The following CMC1 variants were observed in gnomAD, a reference collection of about 807,000 sequenced individuals.
CMC1 encodes COX assembly mitochondrial protein homolog.
CMC1 carries 14 observed loss-of-function variants against 14.1 expected under a neutral mutation model. The observed-to-expected ratio is 0.99, with a 90% CI of 0.66 to 1.55. The LOEUF (loss-of-function observed/expected upper bound fraction) is 1.55, where lower values mean the gene tolerates loss of function less well. CMC1 is among the 40% of genes most tolerant of loss of function. The pLI, the probability that CMC1 is intolerant of heterozygous loss-of-function variation, is 0.00. For synonymous variants in CMC1, 50 were observed against 38.4 expected (o/e 1.30, Z -1.12); for missense variants, 127 against 123.8 (o/e 1.03, Z -0.12).
chr3:28,242,287 G>A (rs764266903), intron 1 of CMC1, among the ~76,000 whole-genome samples: 28 of 152,308 alleles, frequency 1.8e-4, no homozygotes, highest in South Asian at 4.2e-4. Context: ...TCTTTGGAAA[G>A]GATCTTCAAA....
chr3:28,317,174 T>C (rs1216483892), intron 3 of CMC1: 1 of 151,992 alleles, frequency 6.6e-6, no homozygotes, highest in African/African-American at 2.4e-5. Context: ...TAAATAAAAA[T>C]GTAATGAACA....
intron 2 of CMC1, among the ~76,000 whole-genome samples, chr3:28,277,405 C>T (rs926217999): frequency 2.6e-5 from 4 of 152,078 alleles, no homozygotes; most frequent in Non-Finnish European, 4.4e-5. Context: ...GTGGAATGTA[C>T]TCATTTAAAA....
At chr3:28,290,836 T>G (rs1237848930) in intron 2 of CMC1, among the ~76,000 whole-genome samples, 1 of 152,042 alleles carries the variant, frequency 6.6e-6, no homozygotes, top group African/African-American at 2.4e-5. Context: ...AAAGAGCACA[T>G]ATTTATTAAT....
intron 2 of CMC1, among the ~76,000 whole-genome samples, chr3:28,271,066 G>C (rs9831185): frequency 6.6e-6 from 1 of 151,670 alleles, no homozygotes; most frequent in African/African-American, 2.4e-5. Context: ...GAGTAGCTGG[G>C]ATTACAGGCA....
intron 2 of CMC1, among the ~76,000 whole-genome samples, chr3:28,279,877 T>A (rs1027122580): frequency 1.3e-5 from 2 of 152,090 alleles, no homozygotes; most frequent in Admixed American, 6.5e-5. Flanking sequence ...CTAACAACAT[T>A]CACAAAACAC....
At chr3:28,257,296 C>T (rs1699465054) in intron 1 of CMC1, among the ~76,000 whole-genome samples, 1 of 152,086 alleles carries the variant, frequency 6.6e-6, no homozygotes, top group Non-Finnish European at 1.5e-5. Context: ...ATTTTTATCA[C>T]CATAGATTAA....
chr3:28,323,713 C>T lies in CMC1; in HGVS notation c.*4084C>T, dbSNP rs555966165. ...AGACATTTCACATTTTGTAAAACCA[C>T]GTCTACAATCTCCAATTCCATTCTT... On this transcript the variant is annotated 3_prime_UTR_variant, in exon 4 of 4. Coordinates refer to ENST00000466830, the MANE Select transcript of CMC1 (RefSeq NM_182523.2). 3 of 187,856 alleles carry T rather than the reference C, an allele frequency of 1.6e-5. No individual in the cohort carries two copies. Among genetic ancestry groups the T allele is most frequent in the East Asian group, 2.6e-4 (2 of 7,636 alleles). The allele number at this position is 187,856 out of a possible 1,614,324, so 11.6% of individuals were successfully genotyped here.
At chr3:28,260,916 G>A (rs1348008405) in intron 1 of CMC1, among the ~76,000 whole-genome samples, 1 of 152,062 alleles carries the variant, frequency 6.6e-6, no homozygotes, top group African/African-American at 2.4e-5. Flanking sequence ...TCTGTTATTG[G>A]TTGCTAATTT....
intron 2 of CMC1, among the ~76,000 whole-genome samples, chr3:28,293,171 T>A (rs1415147449): frequency 1.3e-5 from 2 of 152,184 alleles, no homozygotes; most frequent in Non-Finnish European, 2.9e-5. Flanking sequence ...TAGTTCTGTT[T>A]TCTTCCCCGT....
intron 1 of CMC1, among the ~76,000 whole-genome samples, chr3:28,242,739 C>T (rs1289618003): frequency 6.6e-6 from 1 of 152,082 alleles, no homozygotes; most frequent in African/African-American, 2.4e-5. Context: ...GTGACTAGTC[C>T]AGCAGGTAGT....
chr3:28,257,374 G>C (rs1343110642), intron 1 of CMC1, among the ~76,000 whole-genome samples: 1 of 152,112 alleles, frequency 6.6e-6, no homozygotes, highest in Non-Finnish European at 1.5e-5. Context: ...AAATGTTTTT[G>C]AGATTCACCT....
intron 2 of CMC1, among the ~76,000 whole-genome samples, chr3:28,305,640 G>A (rs887757164): frequency 1.3e-5 from 2 of 152,054 alleles, no homozygotes; most frequent in East Asian, 1.9e-4. Context: ...TTACCCTGTT[G>A]ATGGTTTCTT....
At position 28,300,266 on chromosome 3, in the gene CMC1, A is replaced by G. The variant is rs1439629404; in HGVS notation, c.110-16067A>G. ...ACTGGAATACTGTTTTTTGCTTGGT[A>G]TTGCTATAATGGGAATATTCGAATC... is the stretch of plus-strand genomic sequence containing the variant. On this transcript the variant is annotated intron_variant, in intron 2 of 3. Transcript: ENST00000466830. Among the ~76,000 whole-genome samples the G allele has an allele frequency of 2.0e-5, 3 of 152,084 alleles. No homozygotes were observed. In the East Asian group the frequency reaches 5.8e-4, roughly 29 times the overall value.
In CMC1 at chr3:28,241,743, C is replaced by G; in HGVS notation, c.-51C>G. ...CAAGCCCCTCCCCTCCACTCCCCTT[C>G]CTGCGTGCCCCGGAGCCGCCAAGCG... On this transcript the variant is annotated 5_prime_UTR_variant, in exon 1 of 4. Coordinates refer to ENST00000466830, the MANE Select transcript of CMC1 (RefSeq NM_182523.2). 4 of 1,241,826 alleles carry G rather than the reference C, an allele frequency of 3.2e-6. No individual in the cohort carries two copies. The highest frequency in any genetic ancestry group is 4.0e-6 in the Non-Finnish European group (4 of 988,076). 76.9% of individuals were successfully genotyped at this position (1,241,826 alleles called of 1,614,324 possible).
At chr3:28,319,455 A>G in intron 3 of CMC1, 54 bp from the exon 4 acceptor site, 1 of 1,461,564 alleles carries the variant, frequency 6.8e-7, no homozygotes, top group South Asian at 1.2e-5. Flanking sequence ...GTAAGCTTAC[A>G]TTTAACACAT....
chr3:28,265,542 A>C (rs770463698), intron 2 of CMC1, among the ~76,000 whole-genome samples: 20 of 152,158 alleles, frequency 1.3e-4, no homozygotes, highest in Non-Finnish European at 2.4e-4. Context: ...TAAAAGATAC[A>C]GGAATTTTAA....
chr3:28,284,297 C>T (rs143874107), intron 2 of CMC1, among the ~76,000 whole-genome samples: 76 of 152,138 alleles, frequency 5.0e-4, no homozygotes, highest in African/African-American at 1.7e-3. Flanking sequence ...TCATATCTTC[C>T]CTGGTGAAGT....
intron 1 of CMC1, among the ~76,000 whole-genome samples, chr3:28,253,314 A>C (rs572702343): frequency 3.3e-5 from 5 of 151,930 alleles, no homozygotes; most frequent in African/African-American, 1.2e-4. Flanking sequence ...GTGGCAGCTC[A>C]CTCCTGTAAT....
chr3:28,293,487 G>A (rs553722488), intron 2 of CMC1, among the ~76,000 whole-genome samples: 2 of 152,202 alleles, frequency 1.3e-5, no homozygotes, highest in African/African-American at 2.4e-5. Context: ...TGAGGTAGAT[G>A]GTTGTAAGAT....
Sources: allele counts gnomAD v4.1 joint callset (sites outside exome capture counted in the v4.1 genomes callset), GRCh38; gene constraint gnomAD v4.1.1; transcripts MANE v1.5; gene names NCBI Gene and HGNC (gene_info 2026-07-23, HGNC 2026-07-21).